Variants in LAMA2 observed in about 807,000 individuals in gnomAD.
LAMA2 encodes the protein laminin subunit alpha-2.
LAMA2 carries 269 observed loss-of-function variants against 364.8 expected under a neutral mutation model. The ratio of observed to expected loss-of-function variants is 0.74; its 90% CI spans 0.67 to 0.82. The LOEUF (loss-of-function observed/expected upper bound fraction) is 0.82, where lower values mean the gene tolerates loss of function less well. Among genes scored for constraint, LAMA2 ranks in the 40% least tolerant of loss-of-function variants. LAMA2 has a pLI of 0.00. For missense variants in LAMA2, 3,807 were observed against 3,873.2 expected (o/e 0.98, Z 0.45); for synonymous variants, 1,379 against 1,370.6 (o/e 1.01, Z -0.14).
chr6:129,224,412 C>G (rs1233620674), intron 12 of LAMA2, among the ~76,000 whole-genome samples: 1 of 152,106 alleles, frequency 6.6e-6, no homozygotes, highest in East Asian at 1.9e-4. Context: ...GAGGGCATCC[C>G]TGTCTTGTGC....
chr6:129,217,891 G>A, intron 12 of LAMA2, among the ~76,000 whole-genome samples: 1 of 152,092 alleles, frequency 6.6e-6, no homozygotes, highest in Non-Finnish European at 1.5e-5. Context: ...AATGGGTCTT[G>A]TGAAGTTTCA....
intron 12 of LAMA2, among the ~76,000 whole-genome samples, chr6:129,226,296 A>G (rs1345938132): frequency 6.6e-6 from 1 of 152,128 alleles, no homozygotes; most frequent in Non-Finnish European, 1.5e-5. Flanking sequence ...CCAATTTGCC[A>G]GTCTGTGTCT....
chr6:129,409,633 A>G (rs1780425007), intron 40 of LAMA2, among the ~76,000 whole-genome samples: 1 of 152,182 alleles, frequency 6.6e-6, no homozygotes, highest in Admixed American at 6.5e-5. Context: ...GAGAGTAGTG[A>G]TCTGCAGAAG....
chr6:128,930,061 G>T (rs1228738181), intron 1 of LAMA2: 1 of 366,572 alleles, frequency 2.7e-6, no homozygotes, highest in Non-Finnish European at 5.0e-6. Flanking sequence ...AGCCCTGCAG[G>T]GCCGGCCGGC....
At chr6:128,955,555 G>C (rs1781090920) in intron 1 of LAMA2, among the ~76,000 whole-genome samples, 1 of 151,792 alleles carries the variant, frequency 6.6e-6, no homozygotes, top group Admixed American at 6.6e-5. Flanking sequence ...TTTAAAAATA[G>C]AATAAAATGT....
chr6:128,937,413 T>C (rs187756967), intron 1 of LAMA2, among the ~76,000 whole-genome samples: 66 of 152,124 alleles, frequency 4.3e-4, no homozygotes, highest in African/African-American at 1.5e-3. Flanking sequence ...AAGTGTCTGG[T>C]CTTGAACTTT....
In LAMA2 at chr6:129,431,286, C is replaced by T. The variant is rs544523831; in HGVS notation, c.5968+3432C>T. ...TGGTGGTGGGTGCCTGTAATCCCAG[C>T]TACTCAGGAGGCTGAGGTAGGAGAA... On this transcript the variant is annotated intron_variant, in intron 41 of 64. Coordinates refer to ENST00000421865, the MANE Select transcript of LAMA2 (RefSeq NM_000426.4). Among the ~76,000 whole-genome samples the T allele has an allele frequency of 5.9e-5, 9 of 151,756 alleles. No individual in the cohort carries two copies. In the South Asian group the frequency reaches 1.9e-3, roughly 32 times the overall value.
chr6:128,926,254 T>A (rs1405730506), intron 1 of LAMA2, among the ~76,000 whole-genome samples: 1 of 151,854 alleles, frequency 6.6e-6, no homozygotes, highest in Non-Finnish European at 1.5e-5. Flanking sequence ...TGTTCTTGAC[T>A]TCTTTTAAAA....
intron 12 of LAMA2, among the ~76,000 whole-genome samples, chr6:129,248,694 A>G (rs1020049753): frequency 6.6e-6 from 1 of 152,224 alleles, no homozygotes; most frequent in Non-Finnish European, 1.5e-5. Flanking sequence ...AAAATTCTAA[A>G]TAGTTCAGTC....
chr6:129,269,773 G>A (rs1787792894), intron 16 of LAMA2, among the ~76,000 whole-genome samples: 1 of 151,982 alleles, frequency 6.6e-6, no homozygotes, highest in South Asian at 2.1e-4. Flanking sequence ...TCAAATCGGG[G>A]AAAAAATCTT....
chr6:129,143,270 T>C (rs1300112944), intron 4 of LAMA2, among the ~76,000 whole-genome samples: 5 of 151,948 alleles, frequency 3.3e-5, no homozygotes, highest in African/African-American at 4.8e-5. Context: ...GTGATTTTCA[T>C]AGGGTATGTT....
chr6:129,076,500 A>AG (rs60878641), intron 3 of LAMA2, among the ~76,000 whole-genome samples: 4 of 140,278 alleles, frequency 2.9e-5, no homozygotes, highest in African/African-American at 7.9e-5. Context: ...ATTATATATA[A>AG]ATATATATAT....
chr6:129,359,116 T>A (rs1332724927), intron 32 of LAMA2, among the ~76,000 whole-genome samples: 1 of 151,838 alleles, frequency 6.6e-6, no homozygotes, highest in Non-Finnish European at 1.5e-5. Context: ...TAGTGACTGT[T>A]GTGTAGATAA....
Position 128,883,325 on chromosome 6 carries a change from A to T in LAMA2, c.80A>T (p.Gln27Leu). The T allele has an allele frequency of 1.3e-6, 2 of 1,598,460 alleles. No individual in the cohort carries two copies. The highest frequency in any genetic ancestry group is 1.7e-6 in the Non-Finnish European group (2 of 1,172,828). Residue 27 changes from glutamine (Q) to leucine (L), a missense_variant, in exon 1 of 65, where the codon CAG becomes CTG. Gln to Leu is a moderately radical substitution (Grantham distance 113). This residue lies in a region of LAMA2 where 394 missense variants were observed against 403.5 expected (regional missense o/e 0.98). Coordinates refer to ENST00000421865, the MANE Select transcript of LAMA2 (RefSeq NM_000426.4). ...GGCGTACAGGCGCAGCGGCCGCAGCAGCAGCGGCAGTCACAGGCACATCAG... is the reference window on the plus strand; with the variant it reads ...GGCGTACAGGCGCAGCGGCCGCAGCTGCAGCGGCAGTCACAGGCACATCAG... ...LGGVQAQRPQ[Q>L]QRQSQAHQQR...
chr6:129,016,682 G>T (rs1785091278), intron 1 of LAMA2, among the ~76,000 whole-genome samples: 1 of 151,760 alleles, frequency 6.6e-6, no homozygotes, highest in South Asian at 2.1e-4. Context: ...CTTTGGAAAG[G>T]GTAGAGATAG....
chr6:129,136,994 C>G (rs1040094290), intron 4 of LAMA2, among the ~76,000 whole-genome samples: 1 of 152,006 alleles, frequency 6.6e-6, no homozygotes, highest in African/African-American at 2.4e-5. Context: ...TGTTAGGTAT[C>G]GAAAGCATAA....
chr6:129,470,223 G>C (rs866820624), intron 51 of LAMA2, among the ~76,000 whole-genome samples: 3 of 151,710 alleles, frequency 2.0e-5, no homozygotes, highest in African/African-American at 7.2e-5. Flanking sequence ...TAGATTGGGT[G>C]GGGGGGTCAT....
intron 4 of LAMA2, among the ~76,000 whole-genome samples, chr6:129,116,617 A>T (rs926324834): frequency 6.6e-5 from 10 of 152,168 alleles, no homozygotes; most frequent in Admixed American, 2.0e-4. Context: ...GATTCATGTT[A>T]TAGTCACAGA....
intron 22 of LAMA2, among the ~76,000 whole-genome samples, chr6:129,308,608 G>A (rs533437790): frequency 2.6e-5 from 4 of 151,912 alleles, no homozygotes; most frequent in Admixed American, 6.5e-5. Flanking sequence ...CTTCTGAATC[G>A]AGAAATACTT....
Sources: allele counts gnomAD v4.1 joint callset (sites outside exome capture counted in the v4.1 genomes callset), GRCh38; gene constraint gnomAD v4.1.1; regional missense constraint gnomAD v4.1.1; transcripts MANE v1.5; gene names NCBI Gene and HGNC (gene_info 2026-07-23, HGNC 2026-07-21).